The following PAPLN variants were observed in gnomAD, a reference collection of about 807,000 sequenced individuals.
PAPLN encodes papilin, proteoglycan like sulfated glycoprotein, also known as papilin.
Under a neutral mutation model 159.0 loss-of-function variants are expected in PAPLN, and 146 were observed. The ratio of observed to expected loss-of-function variants is 0.92; its 90% CI spans 0.80 to 1.05. The LOEUF (loss-of-function observed/expected upper bound fraction) is 1.05. Among genes scored for constraint, PAPLN ranks in the 50% least tolerant of loss-of-function variants. The probability of loss-of-function intolerance (pLI) is 0.00; values close to 1 mark genes in which losing one functional copy is unlikely to be tolerated. For synonymous variants in PAPLN, 734 were observed against 702.9 expected (o/e 1.04, Z -0.70); for missense variants, 1,720 against 1,743.9 (o/e 0.99, Z 0.24).
rs1050634780 is a variant in PAPLN, at chr14:73,253,867, A to C, written c.1208A>C (p.Glu403Ala). 2 of 1,613,374 alleles carry C rather than the reference A, an allele frequency of 1.2e-6. No individual in the cohort carries two copies. The highest frequency in any genetic ancestry group is 2.7e-5 in the African/African-American group (2 of 74,892). ...GCCGGCATCCAGGAGGCCGTGGAGG[A>C]GGCTGAGTGTGCCGGGCTGCCTGGG... ...DGAGIQEAVE[E>A]AECAGLPGKP... The change falls in exon 12 of 27, where the codon GAG becomes GCG. Residue 403 changes from glutamate to alanine, a missense_variant. Transcript: ENST00000644200.
At chr14:73,236,901 G>T (rs1453115611), upstream of PAPLN, among the ~76,000 whole-genome samples, 1 of 139,164 alleles carries the variant, frequency 7.2e-6, no homozygotes, top group African/African-American at 2.9e-5. Context: ...TAGAAAGAAA[G>T]AAAAGAGGAA....
At position 73,250,104 on chromosome 14, in the gene PAPLN, G is replaced by A. The variant is rs1265562161; in HGVS notation, c.455G>A (p.Gly152Asp). ...EPGKRDVCVD[G>D]SCRVVGCDHE... ...GGCAAGAGGGATGTCTGTGTGGATGGCAGCTGCCGGGTGAGTGGTGCCCCA... is the reference window on the plus strand; with the variant it reads ...GGCAAGAGGGATGTCTGTGTGGATGACAGCTGCCGGGTGAGTGGTGCCCCA... The change falls in exon 6 of 27, where the codon GGC becomes GAC. Residue 152 changes from glycine (G) to aspartate (D), a missense_variant. Transcript: ENST00000644200. 2 of 1,608,658 alleles carry A rather than the reference G, an allele frequency of 1.2e-6. No homozygotes were observed. Among genetic ancestry groups the A allele is most frequent in the East Asian group, 2.2e-5 (1 of 44,736 alleles).
chr14:73,239,497 C>A, intron 1 of PAPLN: 1 of 459,890 alleles, frequency 2.2e-6, no homozygotes, highest in South Asian at 4.2e-5. Context: ...TTTAATTGCT[C>A]TCTCTTTTTT....
Position 73,265,785 on chromosome 14 carries a change from C to T in PAPLN, c.3263+278C>T, listed in dbSNP as rs1353227146. On this transcript the variant is annotated intron_variant, in intron 23 of 26. Coordinates refer to ENST00000644200, the MANE Select transcript of PAPLN (RefSeq NM_001365906.3). The surrounding 1 kb of genome is among the most constrained non-coding windows in gnomAD (Gnocchi z 4.1). The stretch of plus-strand genomic sequence containing the variant: ...AGAAAATGGAGTCAGAACACATTCC[C>T]AGCTATAACCATAATGGCTACCCTT... 1.3e-5 allele frequency among the ~76,000 whole-genome samples: 2 copies of T among 152,198 alleles called. No individual in the cohort carries two copies. The highest frequency in any genetic ancestry group is 1.5e-5 in the Non-Finnish European group (1 of 68,046).
At chr14:73,256,053 G>A (rs1885872622) in intron 14 of PAPLN, among the ~76,000 whole-genome samples, 2 of 152,280 alleles carry the variant, frequency 1.3e-5, no homozygotes, top group African/African-American at 4.8e-5. Context: ...GGGGGAGCTC[G>A]GCCATCCGGA....
chr14:73,270,834 C>T (rs1237805543), intron 26 of PAPLN, among the ~76,000 whole-genome samples: 1 of 152,138 alleles, frequency 6.6e-6, no homozygotes, highest in Non-Finnish European at 1.5e-5. Context: ...CTGCTGGCTG[C>T]TCTCACCTGT....
At chr14:73,254,813 C>T (rs1885709632) in intron 13 of PAPLN, 64 bp from the exon 14 acceptor site, 1 of 1,599,332 alleles carries the variant, frequency 6.3e-7, no homozygotes, top group Admixed American at 1.7e-5. Flanking sequence ...TGCCTCTCTC[C>T]ATGTGGGTCC....
chr14:73,238,090 G>C (rs933308256), intron 1 of PAPLN, among the ~76,000 whole-genome samples: 18 of 152,182 alleles, frequency 1.2e-4, no homozygotes, highest in African/African-American at 4.1e-4. Flanking sequence ...GGGGTGCCTG[G>C]TCAGGGCTGG....
Position 73,274,618 on chromosome 14 carries a change from T to C in PAPLN, c.*1954T>C, listed in dbSNP as rs1887995410. ...AAATTGGAAAATAAAGGCCACTTTT[T>C]TGAAATCCCCAGTTTAATTAAACCA... On this transcript the variant is annotated 3_prime_UTR_variant, in exon 27 of 27. Transcript: ENST00000644200. 6.6e-6 allele frequency: 1 copy of C among 152,212 alleles called. No individual in the cohort carries two copies. Among genetic ancestry groups the C allele is most frequent in the African/African-American group, 2.4e-5 (1 of 41,442 alleles). 9.4% of individuals were successfully genotyped at this position (152,212 alleles called of 1,614,324 possible). A position where few individuals can be genotyped will look rare whatever the true frequency, so the allele number is the denominator to read the frequency against.
At chr14:73,270,260 C>T (rs1474017523) in intron 26 of PAPLN, among the ~76,000 whole-genome samples, 1 of 152,254 alleles carries the variant, frequency 6.6e-6, no homozygotes, top group Non-Finnish European at 1.5e-5. Context: ...CCGCGCTCAG[C>T]GCACGGCACA....
rs1566672876 is a variant in PAPLN at position 73,245,585 on chromosome 14, G to GGC, written c.171-50_171-49dup. 1 of 1,538,144 alleles carries GGC rather than the reference G, an allele frequency of 6.5e-7. No individual in the cohort carries two copies. Among genetic ancestry groups the GGC allele is most frequent in the African/African-American group, 1.4e-5 (1 of 73,006 alleles). ...GGCCTGCAGAGAGCCCCAGAACGGG[G>GGC]GCAGGGACGTTGGGTCTCGGTCAGG... On this transcript the variant is annotated intron_variant, in intron 3 of 26. Transcript: ENST00000644200. This position sits in a 1 kb window ranked among gnomAD's most constrained non-coding sequence, Gnocchi z 4.2.
chr14:73,238,384 C>G (rs1449447649), intron 1 of PAPLN, among the ~76,000 whole-genome samples: 1 of 152,242 alleles, frequency 6.6e-6, no homozygotes, highest in African/African-American at 2.4e-5. Context: ...CGGAGTAGCC[C>G]CGTGACCAGA....
rs750752662 is a variant in PAPLN, at chr14:73,264,627, G to A, written c.3026G>A (p.Arg1009His). 17 of 1,602,972 alleles carry A rather than the reference G, an allele frequency of 1.1e-5. No individual in the cohort carries two copies. Among genetic ancestry groups the A allele is most frequent in the African/African-American group, 2.7e-5 (2 of 74,086 alleles). The change falls in exon 22 of 27, where the codon CGC becomes CAC. Residue 1009 changes from arginine (R) to histidine (H), a missense_variant. Coordinates refer to ENST00000644200, the MANE Select transcript of PAPLN (RefSeq NM_001365906.3). Reference protein sequence around the residue: ...MAVLSEAELSRFPQPRDPAQD... With the variant: ...MAVLSEAELSHFPQPRDPAQD... ...GTGCTGTCTGAGGCTGAGCTGAGCC[G>A]CTTCCCTCAGCCCAGGGACCCAGCT...
At chr14:73,258,536 C>A (rs1490022121) in intron 14 of PAPLN, among the ~76,000 whole-genome samples, 1 of 145,622 alleles carries the variant, frequency 6.9e-6, no homozygotes, top group African/African-American at 2.6e-5. Flanking sequence ...ATAATCCCAG[C>A]ATTTTGGGAG....
chr14:73,268,445 T>A, intron 25 of PAPLN, 112 bp from the exon 26 acceptor site: 2 of 1,123,956 alleles, frequency 1.8e-6, no homozygotes, highest in Non-Finnish European at 2.5e-6. Flanking sequence ...ACCTGTTTGC[T>A]CTCAAGGGGT....
At position 73,261,170 on chromosome 14, in the gene PAPLN, C is replaced by G. The variant is rs61745818; in HGVS notation, c.2121C>G (p.His707Gln). Residue 707 changes from histidine (H) to glutamine (Q), a missense_variant, in exon 18 of 27, where the codon CAC becomes CAG. Physicochemically the swap from His to Gln is conservative, Grantham distance 24. Transcript: ENST00000644200. ...TTCCTCCCCAGGTCCACAACACCCA[C>G]CAGCCCCAGGCCCAGCAGAATGAGC... ...RAVASTVHNTHQPQAQQNEPS... is the reference protein window; with the variant it reads ...RAVASTVHNTQQPQAQQNEPS... The G allele has an allele frequency of 1.2e-6, 2 of 1,614,174 alleles. No individual in the cohort carries two copies. Among genetic ancestry groups the G allele is most frequent in the Non-Finnish European group, 1.7e-6 (2 of 1,180,036 alleles).
intron 2 of PAPLN, chr14:73,242,797 T>C (rs1883727502): frequency 6.6e-6 from 1 of 152,262 alleles, no homozygotes; most frequent in African/African-American, 2.4e-5. Context: ...GGCAAGCCCT[T>C]CCTTCTTGGT....
intron 6 of PAPLN, 124 bp from the exon 7 acceptor site, chr14:73,250,783 G>C: frequency 8.2e-7 from 1 of 1,218,260 alleles, no homozygotes; most frequent in Non-Finnish European, 1.1e-6. Context: ...GCTGGTGGCT[G>C]AATCACTCCC....
intron 21 of PAPLN, 26 bp downstream of exon 21, chr14:73,264,361 G>A (rs1274120060): frequency 1.2e-6 from 2 of 1,603,990 alleles, no homozygotes; most frequent in South Asian, 1.1e-5. Context: ...CCATCCACCA[G>A]TGCGTTCTCA....
Sources: allele counts gnomAD v4.1 joint callset (sites outside exome capture counted in the v4.1 genomes callset), GRCh38; gene constraint gnomAD v4.1.1; non-coding constraint Gnocchi (gnomAD v3.1); transcripts MANE v1.5; gene names NCBI Gene and HGNC (gene_info 2026-07-23, HGNC 2026-07-21).